YTHDF3: variants seen among roughly 807,000 people sequenced by gnomAD.
YTHDF3 encodes YTH N6-methyladenosine RNA binding protein F3.
A neutral mutation model predicts 52.5 loss-of-function variants in YTHDF3; 9 were observed. The observed-to-expected ratio is 0.17, with a 90% CI of 0.10 to 0.30. The LOEUF is 0.30. Among genes scored for constraint, YTHDF3 ranks in the 10% least tolerant of loss-of-function variants. The pLI is 1.00. For missense variants in YTHDF3, 534 were observed against 715.0 expected (o/e 0.75, Z 2.89); for synonymous variants, 274 against 243.3 (o/e 1.13, Z -1.18).
At chr8:63,201,958 TC>T (rs1433274483) in intron 4 of YTHDF3, among the ~76,000 whole-genome samples, 1 of 152,226 alleles carries the variant, frequency 6.6e-6, no homozygotes, top group Non-Finnish European at 1.5e-5. Context: ...CATCTTGTAT[TC>T]TAATCAACCT....
At position 63,189,740 on chromosome 8, in the gene YTHDF3, A is replaced by G. The variant is rs972990269; in HGVS notation, c.1734+1995A>G. On this transcript the variant is annotated intron_variant, in intron 4 of 4. Transcript: ENST00000539294. Reference sequence around the variant, plus strand: ...AGATTCTCGAGACCCATCCCTTGGTATATTTGATAAAGGAACTTGCAGTGT... The same window carrying G: ...AGATTCTCGAGACCCATCCCTTGGTGTATTTGATAAAGGAACTTGCAGTGT... Among the ~76,000 whole-genome samples the G allele has an allele frequency of 7.2e-5, 11 of 152,184 alleles. 1 individual carries two copies. The highest frequency in any genetic ancestry group is 2.7e-4 in the African/African-American group (11 of 41,452).
At chr8:63,205,439 T>TC (rs1175190012) in intron 4 of YTHDF3, among the ~76,000 whole-genome samples, 1 of 150,292 alleles carries the variant, frequency 6.7e-6, no homozygotes, top group African/African-American at 2.4e-5. Context: ...TTTCTTTCTT[T>TC]TTTTTTTTTT....
At chr8:63,180,609 A>T (rs1808059210) in intron 3 of YTHDF3, among the ~76,000 whole-genome samples, 1 of 151,650 alleles carries the variant, frequency 6.6e-6, no homozygotes, top group African/African-American at 2.4e-5. Context: ...GCACTTTGGG[A>T]GGCCAAGGCA....
chr8:63,176,073 A>G (rs1388058042), intron 3 of YTHDF3, among the ~76,000 whole-genome samples: 1 of 152,224 alleles, frequency 6.6e-6, no homozygotes, highest in Non-Finnish European at 1.5e-5. Flanking sequence ...ATTGAAGAAC[A>G]ATGCTATTAG....
chr8:63,201,042 T>G (rs1369659347), intron 4 of YTHDF3, among the ~76,000 whole-genome samples: 1 of 152,226 alleles, frequency 6.6e-6, no homozygotes, highest in African/African-American at 2.4e-5. Flanking sequence ...GGGATAGAGC[T>G]CATTAAGAAA....
intron 3 of YTHDF3, 67 bp downstream of exon 3, chr8:63,175,483 A>ATAGATTAT (rs763524704): frequency 5.6e-6 from 7 of 1,252,810 alleles, no homozygotes; most frequent in Non-Finnish European, 8.0e-6. Context: ...GATTTTTCAA[A>ATAGATTAT]TAGATTATTT....
chr8:63,199,687 G>A (rs1245895410), intron 4 of YTHDF3, among the ~76,000 whole-genome samples: 5 of 152,192 alleles, frequency 3.3e-5, no homozygotes, highest in African/African-American at 9.7e-5. Context: ...ATGAAGAGCT[G>A]TAGTTACCGA....
At chr8:63,184,658 C>T (rs987999498) in intron 3 of YTHDF3, among the ~76,000 whole-genome samples, 2 of 152,114 alleles carry the variant, frequency 1.3e-5, no homozygotes, top group African/African-American at 2.4e-5. Flanking sequence ...AAAGCAGCCA[C>T]GAAATAGTGA....
At position 63,209,982 on chromosome 8, in the gene YTHDF3, T is replaced by A; in HGVS notation, c.*276T>A. 2.9e-6 allele frequency: 1 copy of A among 350,546 alleles called. No individual in the cohort carries two copies. The highest frequency in any genetic ancestry group is 6.8e-5 in the South Asian group (1 of 14,730). The allele number at this position is 350,546 out of a possible 1,614,324, so 21.7% of individuals were successfully genotyped here. A position where few individuals can be genotyped will look rare whatever the true frequency, so the allele number is the denominator to read the frequency against. ...GTCTTTTGTAATTATGCATCCTAGC[T>A]AAGGCACAGAAGACTGAATGAATGC... On this transcript the variant is annotated 3_prime_UTR_variant, in exon 5 of 5. Transcript: ENST00000539294.
chr8:63,207,264 C>T (rs1179159772), intron 4 of YTHDF3, among the ~76,000 whole-genome samples: 1 of 152,062 alleles, frequency 6.6e-6, no homozygotes, highest in Non-Finnish European at 1.5e-5. Flanking sequence ...TCTTCATTTG[C>T]TTTGTGTTAT....
intron 2 of YTHDF3, among the ~76,000 whole-genome samples, chr8:63,173,057 C>G (rs956226844): frequency 6.6e-6 from 1 of 151,370 alleles, no homozygotes; most frequent in Admixed American, 6.6e-5. Flanking sequence ...ACTTTTTGTA[C>G]TATATTTTAA....
At chr8:63,189,932 T>C (rs1374460423) in intron 4 of YTHDF3, among the ~76,000 whole-genome samples, 11 of 152,146 alleles carry the variant, frequency 7.2e-5, no homozygotes, top group Non-Finnish European at 8.8e-5. Context: ...CACTTAAATA[T>C]GAGAAATGAG....
intron 1 of YTHDF3, 194 bp downstream of exon 1, chr8:63,169,095 T>TGCCGCGGC (rs953766274): frequency 1.4e-6 from 2 of 1,379,674 alleles, no homozygotes; most frequent in African/African-American, 3.1e-5. Context: ...GCGGGCGCGG[T>TGCCGCGGC]GCCGCGGCGG....
chr8:63,184,302 TGA>T (rs1306973249), intron 3 of YTHDF3, among the ~76,000 whole-genome samples: 3 of 152,204 alleles, frequency 2.0e-5, no homozygotes, highest in African/African-American at 7.2e-5. Context: ...AAACAGTAAG[TGA>T]GAGTTGAGTT....
chr8:63,186,015 TTTTG>T (rs1191325965), intron 3 of YTHDF3, 128 bp from the exon 4 acceptor site: 8 of 999,344 alleles, frequency 8.0e-6, no homozygotes, highest in Non-Finnish European at 1.1e-5. Context: ...GAAATTTTAA[TTTTG>T]TTTATCTAGA....
rs748052481 is a variant in YTHDF3, at chr8:63,169,401, A to C, written c.39A>C (p.Gln13His). ...ATSVDQRPKG[Q>H]GNKVSVQNGS... ...TTGCAACACAGAGACCTAAAGGGCA[A>C]GGAAATAAAGGTGAGTTTGGATTTT... Residue 13 changes from glutamine to histidine, a missense_variant, in exon 2 of 5, where the codon CAA becomes CAC. Around this residue, in one of 3 missense-constraint regions of YTHDF3, gnomAD observed 196 missense variants for 299.5 expected, o/e 0.65. Coordinates refer to ENST00000539294, the MANE Select transcript of YTHDF3 (RefSeq NM_152758.6). 6.2e-7 allele frequency: 1 copy of C among 1,601,468 alleles called. No individual in the cohort carries two copies. The highest frequency in any genetic ancestry group is 8.5e-7 in the Non-Finnish European group (1 of 1,173,056).
intron 4 of YTHDF3, among the ~76,000 whole-genome samples, chr8:63,204,419 T>C (rs1809854428): frequency 6.7e-6 from 1 of 150,010 alleles, no homozygotes; most frequent in Non-Finnish European, 1.5e-5. Flanking sequence ...TGGAGTACAA[T>C]GGCGTGATCT....
At chr8:63,170,153 G>C (rs753050210) in intron 2 of YTHDF3, among the ~76,000 whole-genome samples, 5 of 152,136 alleles carry the variant, frequency 3.3e-5, no homozygotes, top group African/African-American at 4.8e-5. Context: ...GTTAAGTATA[G>C]AACAATAACT....
chr8:63,188,696 TATA>T (rs1227588491), intron 4 of YTHDF3: 5 of 68,430 alleles, frequency 7.3e-5, no homozygotes, highest in African/African-American at 2.4e-4. Flanking sequence ...TATATATATA[TATA>T]TATTTTTTTT....
Sources: gnomAD v4.1 joint callset for allele counts (sites outside exome capture counted in the v4.1 genomes callset) on GRCh38, gnomAD v4.1.1 for gene constraint, gnomAD v4.1.1 regional missense constraint, MANE v1.5 for transcripts, NCBI Gene and HGNC (gene_info 2026-07-23, HGNC 2026-07-21) for gene names.